The following NARF variants were observed in gnomAD, a reference collection of about 807,000 sequenced individuals.
NARF encodes the protein nuclear prelamin A recognition factor.
NARF carries 41 observed loss-of-function variants against 48.0 expected under a neutral mutation model. The observed-to-expected ratio is 0.85, with a 90% CI of 0.66 to 1.11. The LOEUF is 1.11. NARF is among the 50% of genes least tolerant of loss of function. NARF has a pLI of 0.00. For synonymous variants in NARF, 215 were observed against 225.5 expected (o/e 0.95, Z 0.42); for missense variants, 613 against 590.2 (o/e 1.04, Z -0.40).
intron 7 of NARF, chr17:82,483,262 C>T (rs1240401410): frequency 2.9e-5 from 11 of 385,658 alleles, no homozygotes; most frequent in Non-Finnish European, 4.7e-5. Context: ...GAGGTTACAG[C>T]GAGACAAGAT....
chr17:82,484,956 G>T lies in NARF; in HGVS notation c.971+6G>T, dbSNP rs1320236701. 1 of 1,599,378 alleles carries T rather than the reference G, an allele frequency of 6.3e-7. No individual in the cohort carries two copies. Among genetic ancestry groups the T allele is most frequent in the Non-Finnish European group, 8.5e-7 (1 of 1,172,310 alleles). On this transcript the variant is annotated splice_donor_region_variant and intron_variant, in intron 9 of 10. Transcript: ENST00000309794. ...GTCACTTACCGAGCCCTGAGGTGTG[G>T]GGCAGTATCCACAGCCTGTCTGTGC... is the stretch of plus-strand genomic sequence containing the variant.
chr17:82,458,640 G>A (rs369939302), upstream of NARF: 4 of 881,204 alleles, frequency 4.5e-6, no homozygotes, highest in African/African-American at 5.3e-5. Context: ...CCAGGGGTGC[G>A]GCTTGTCCTC....
intron 1 of NARF, 123 bp downstream of exon 1, chr17:82,458,953 C>G (rs940307855): frequency 4.9e-6 from 6 of 1,224,890 alleles, no homozygotes; most frequent in Non-Finnish European, 6.1e-6. Flanking sequence ...CGCCCCCGGC[C>G]TCGGCACCCT....
chr17:82,459,304 G>C (rs975485697), intron 1 of NARF: 3 of 491,754 alleles, frequency 6.1e-6, no homozygotes, highest in Non-Finnish European at 7.9e-6. Context: ...AGCGCACGCA[G>C]GGGGGTTTTG....
intron 5 of NARF, among the ~76,000 whole-genome samples, chr17:82,477,292 T>C (rs1007732347): frequency 1.3e-5 from 2 of 151,464 alleles, no homozygotes; most frequent in African/African-American, 4.8e-5. Context: ...TCTCCTGAGG[T>C]CAAGAGTTCG....
At chr17:82,470,170 C>T (rs896747209) in intron 4 of NARF, among the ~76,000 whole-genome samples, 1 of 152,160 alleles carries the variant, frequency 6.6e-6, no homozygotes, top group African/African-American at 2.4e-5. Flanking sequence ...AAGCAGCAGC[C>T]TGGGGGTCCT....
intron 5 of NARF, chr17:82,476,641 A>G (rs1404157298): frequency 1.3e-5 from 2 of 151,458 alleles, no homozygotes; most frequent in Non-Finnish European, 1.5e-5. Context: ...ACACGGTTTC[A>G]CTTTGTTGGT....
At chr17:82,485,060 C>T (rs2044066155) in intron 9 of NARF, 110 bp downstream of exon 9, 4 of 1,324,544 alleles carry the variant, frequency 3.0e-6, no homozygotes, top group Non-Finnish European at 4.0e-6. Context: ...TTACACTAGT[C>T]AAAATCAAAA....
At chr17:82,458,729 G>T, upstream of NARF, 1 of 1,443,714 alleles carries the variant, frequency 6.9e-7, no homozygotes, top group Non-Finnish European at 9.1e-7. Context: ...GCCGCGGGCG[G>T]CGGGCAGTGG....
chr17:82,483,766 G>A lies in NARF; in HGVS notation c.820G>A (p.Ala274Thr). Residue 274 changes from alanine (A) to threonine (T), a missense_variant, in exon 8 of 11, where the codon GCC becomes ACC. By Grantham distance (58) the Ala-to-Thr change is moderately conservative (BLOSUM62 0). Coordinates refer to ENST00000309794, the MANE Select transcript of NARF (RefSeq NM_012336.4). ...AGGTGACCTCTCAGTGAGAGATGCT[G>A]CCGTCGACACTCTGTAAGTGGCTTC... Reference protein sequence around the residue: ...EQGDLSVRDAAVDTLFGDLKE... With the variant: ...EQGDLSVRDATVDTLFGDLKE... The A allele has an allele frequency of 6.2e-7, 1 of 1,613,748 alleles. No homozygotes were observed. The highest frequency in any genetic ancestry group is 8.5e-7 in the Non-Finnish European group (1 of 1,179,972).
At position 82,490,130 on chromosome 17, in the gene NARF, AAAT is replaced by A. The variant is rs1447977911; in HGVS notation, c.*1974_*1976del. ...GGCGTGAGCCACTGCACCTGGCAAA[AAAT>A]TTTTTTTTAAAAAGGAGAAAGCAGT... On this transcript the variant is annotated 3_prime_UTR_variant, in exon 11 of 11. Transcript: ENST00000309794. 1 of 152,266 alleles carries A rather than the reference AAAT, an allele frequency of 6.6e-6. No individual in the cohort carries two copies. The highest frequency in any genetic ancestry group is 1.5e-5 in the Non-Finnish European group (1 of 68,080). The allele number at this position is 152,266 out of a possible 1,614,324, so 9.4% of individuals were successfully genotyped here.
In NARF at chr17:82,479,223, C is replaced by A. The variant is rs76300600; in HGVS notation, c.639+305C>A. The A allele has an allele frequency of 2.2e-3, 481 of 218,832 alleles. 5 individuals are homozygous for A. Among genetic ancestry groups the A allele is most frequent in the East Asian group, 0.019 (140 of 7,248 alleles). 13.6% of individuals were successfully genotyped at this position (218,832 alleles called of 1,614,324 possible). ...ACCCTGCTGAGAATGAGGCCCCGGA[C>A]CTTGCCCAGAGATGCTGCCTGCCTG... On this transcript the variant is annotated intron_variant, in intron 6 of 10. Transcript: ENST00000309794.
chr17:82,485,895 G>C (rs1242311827), intron 10 of NARF, among the ~76,000 whole-genome samples: 1 of 152,222 alleles, frequency 6.6e-6, no homozygotes, highest in African/African-American at 2.4e-5. Flanking sequence ...GCCCTCAGGA[G>C]GCCCAACATG....
chr17:82,479,685 A>G (rs1214759440), intron 6 of NARF, among the ~76,000 whole-genome samples: 1 of 152,228 alleles, frequency 6.6e-6, no homozygotes, highest in East Asian at 1.9e-4. Context: ...ACTGGAGTAG[A>G]GGGTAACATC....
Position 82,485,531 on chromosome 17 carries a change from A to T in NARF, c.1006A>T (p.Asn336Tyr). The part of the protein sequence containing the change: ...KDFQEVTLEK[N>Y]GEVVLRFAAA... ...CTTCCAAGAGGTCACCCTTGAGAAGAACGGAGAGGTGGTGTTACGCTTTGC... is the reference window on the plus strand; with the variant it reads ...CTTCCAAGAGGTCACCCTTGAGAAGTACGGAGAGGTGGTGTTACGCTTTGC... The change falls in exon 10 of 11, where the codon AAC becomes TAC. Residue 336 changes from asparagine (N) to tyrosine (Y), a missense_variant. By Grantham distance (143) the Asn-to-Tyr change is moderately radical. Coordinates refer to ENST00000309794, the MANE Select transcript of NARF (RefSeq NM_012336.4). 1 of 1,614,270 alleles carries T rather than the reference A, an allele frequency of 6.2e-7. No homozygotes were observed. Among genetic ancestry groups the T allele is most frequent in the Non-Finnish European group, 8.5e-7 (1 of 1,180,046 alleles).
intron 4 of NARF, among the ~76,000 whole-genome samples, chr17:82,471,878 A>AAATTT: frequency 6.6e-6 from 1 of 151,976 alleles, no homozygotes; most frequent in Non-Finnish European, 1.5e-5. Flanking sequence ...TCACAGACTG[A>AAATTT]AATTTAATTT....
chr17:82,468,307 G>GT (rs1031079085), intron 3 of NARF, among the ~76,000 whole-genome samples: 5,598 of 131,696 alleles, frequency 0.043, 101 homozygotes, highest in Admixed American at 0.059. Context: ...GTGAAACTCT[G>GT]TTTTTTTTTT....
chr17:82,466,313 C>G (rs556142811), intron 3 of NARF, among the ~76,000 whole-genome samples: 1 of 152,036 alleles, frequency 6.6e-6, no homozygotes, highest in Non-Finnish European at 1.5e-5. Flanking sequence ...AGAATTGTAT[C>G]TCATTTGCAT....
chr17:82,475,988 G>C (rs2043823765), intron 5 of NARF, among the ~76,000 whole-genome samples: 1 of 152,118 alleles, frequency 6.6e-6, no homozygotes, highest in African/African-American at 2.4e-5. Flanking sequence ...TCCTGGTCAA[G>C]ACTTTTTTTT....
Sources: gnomAD v4.1 joint callset for allele counts (sites outside exome capture counted in the v4.1 genomes callset) on GRCh38, gnomAD v4.1.1 for gene constraint, MANE v1.5 for transcripts, NCBI Gene and HGNC (gene_info 2026-07-23, HGNC 2026-07-21) for gene names.